The following ACER2 variants were observed in gnomAD, a reference collection of about 807,000 sequenced individuals.
ACER2 encodes the protein alkCDase 2.
In ACER2, 26 loss-of-function variants were observed where a neutral mutation model predicts 34.7. That is an observed-to-expected ratio of 0.75 (90% CI 0.55 to 1.04). The LOEUF is 1.04. ACER2 is among the 50% of genes least tolerant of loss of function. The pLI, the probability that ACER2 is intolerant of heterozygous loss-of-function variation, is 0.00. For missense variants in ACER2, 352 were observed against 340.8 expected (o/e 1.03, Z -0.26); for synonymous variants, 138 against 132.1 (o/e 1.04, Z -0.31).
chr9:19,423,783 C>G (rs1467935120), intron 1 of ACER2, 79 bp from the exon 2 acceptor site: 1 of 1,023,950 alleles, frequency 9.8e-7, no homozygotes, highest in African/African-American at 1.6e-5. Context: ...TTTGCAAGGA[C>G]ATACTTGGAA....
intron 3 of ACER2, among the ~76,000 whole-genome samples, chr9:19,427,714 T>C (rs960393717): frequency 3.4e-5 from 5 of 147,508 alleles, no homozygotes; most frequent in Non-Finnish European, 7.4e-5. Flanking sequence ...TTGCCCAGGC[T>C]GGAGTGCTGT....
At chr9:19,435,887 A>C (rs1326776939) in intron 4 of ACER2, among the ~76,000 whole-genome samples, 2 of 150,184 alleles carry the variant, frequency 1.3e-5, no homozygotes, top group African/African-American at 2.5e-5. Flanking sequence ...GTCTCTACTA[A>C]AAATACAAAA....
At chr9:19,449,425 GC>G (rs981868508) in intron 5 of ACER2, among the ~76,000 whole-genome samples, 2 of 152,044 alleles carry the variant, frequency 1.3e-5, no homozygotes, top group East Asian at 3.9e-4. Context: ...AATATTCCCT[GC>G]CCCCCTGCAG....
chr9:19,417,010 A>G (rs760932016), intron 1 of ACER2, among the ~76,000 whole-genome samples: 46 of 152,204 alleles, frequency 3.0e-4, no homozygotes, highest in Non-Finnish European at 5.9e-4. Context: ...CCTTAAGCTG[A>G]TAAGCATCTC....
At chr9:19,442,114 G>A (rs1392093969) in intron 4 of ACER2, among the ~76,000 whole-genome samples, 2 of 152,096 alleles carry the variant, frequency 1.3e-5, no homozygotes, top group Non-Finnish European at 2.9e-5. Context: ...CTGATTTTGG[G>A]TCATGACCTG....
intron 1 of ACER2, chr9:19,409,995 T>C: frequency 3.2e-6 from 3 of 939,102 alleles, no homozygotes; most frequent in Non-Finnish European, 2.5e-6. Flanking sequence ...AGGAAATGCC[T>C]CTTATTTTGT....
In ACER2 at chr9:19,425,261, T is replaced by G. The variant is rs989946398; in HGVS notation, c.365+420T>G. ...AGACTGATGAACTGGTTCTTGGAGC[T>G]ACAGATACTGTAGTTTTCAAGTTGC... is the stretch of plus-strand genomic sequence containing the variant. On this transcript the variant is annotated intron_variant, in intron 3 of 5. Transcript: ENST00000340967. Among the ~76,000 whole-genome samples, 35 of 152,246 alleles carry G rather than the reference T, an allele frequency of 2.3e-4. 1 individual carries two copies. The highest frequency in any genetic ancestry group is 5.9e-5 in the Non-Finnish European group (4 of 68,034).
At chr9:19,422,731 C>T (rs1160283785) in intron 1 of ACER2, among the ~76,000 whole-genome samples, 4 of 150,350 alleles carry the variant, frequency 2.7e-5, no homozygotes, top group Non-Finnish European at 5.9e-5. Flanking sequence ...CAGACCTTAT[C>T]TTTAAAAACA....
chr9:19,432,734 CATAT>C (rs1485769374), intron 3 of ACER2, among the ~76,000 whole-genome samples: 1 of 147,410 alleles, frequency 6.8e-6, no homozygotes, highest in Non-Finnish European at 1.5e-5. Context: ...ATTCTTTACA[CATAT>C]ATATAAATAT....
chr9:19,438,538 T>C (rs940998815), intron 4 of ACER2, among the ~76,000 whole-genome samples: 1 of 152,234 alleles, frequency 6.6e-6, no homozygotes, highest in Non-Finnish European at 1.5e-5. Flanking sequence ...TGTTAACACA[T>C]CTTAAAGCTC....
At chr9:19,421,885 C>T (rs987666098) in intron 1 of ACER2, among the ~76,000 whole-genome samples, 2 of 152,046 alleles carry the variant, frequency 1.3e-5, no homozygotes, top group Non-Finnish European at 2.9e-5. Flanking sequence ...AGTCACTGGC[C>T]ACATTTAGTT....
Position 19,435,009 on chromosome 9 carries a change from A to G in ACER2, c.428A>G (p.Lys143Arg). Reference sequence around the variant, plus strand: ...GTTACGACGTGCCTGGCATTTGTCAAGCCTGCCATCAACAACATCTCTCTG... The same window carrying G: ...GTTACGACGTGCCTGGCATTTGTCAGGCCTGCCATCAACAACATCTCTCTG... ...SAVTTCLAFV[K>R]PAINNISLMT... The change falls in exon 4 of 6, where the codon AAG (lysine) becomes AGG (arginine). Residue 143 changes from lysine (K) to arginine (R), a missense_variant. Lys to Arg is a conservative substitution (Grantham distance 26). Transcript: ENST00000340967. The G allele has an allele frequency of 6.2e-7, 1 of 1,614,184 alleles. No homozygotes were observed.
intron 1 of ACER2, among the ~76,000 whole-genome samples, chr9:19,413,003 A>G (rs1413610722): frequency 6.6e-6 from 1 of 152,186 alleles, no homozygotes; most frequent in Non-Finnish European, 1.5e-5. Context: ...CTAATCTTAG[A>G]TGGGGATTGC....
chr9:19,436,725 A>G (rs1210764082), intron 4 of ACER2, among the ~76,000 whole-genome samples: 1 of 152,194 alleles, frequency 6.6e-6, no homozygotes, highest in East Asian at 1.9e-4. Flanking sequence ...AATTTATTTT[A>G]ATTAGTCAAC....
chr9:19,433,802 T>A (rs1162365570), intron 3 of ACER2, among the ~76,000 whole-genome samples: 2 of 141,642 alleles, frequency 1.4e-5, no homozygotes, highest in African/African-American at 5.4e-5. Flanking sequence ...CCCACCTCCT[T>A]CCCGGACGGG....
intron 3 of ACER2, among the ~76,000 whole-genome samples, chr9:19,434,556 C>G (rs923259730): frequency 6.6e-6 from 1 of 152,334 alleles, no homozygotes; most frequent in South Asian, 2.1e-4. Context: ...GGATCACTCG[C>G]GGTTAGGAGC....
intron 3 of ACER2, among the ~76,000 whole-genome samples, chr9:19,433,149 C>CA (rs1830812378): frequency 1.6e-5 from 1 of 61,308 alleles, no homozygotes; most frequent in African/African-American, 6.0e-5. Flanking sequence ...GTGTGAGTGG[C>CA]TTTTTTTTTT....
chr9:19,435,815 C>T (rs549622767), intron 4 of ACER2, among the ~76,000 whole-genome samples: 15 of 151,406 alleles, frequency 9.9e-5, no homozygotes, highest in South Asian at 4.2e-4. Flanking sequence ...TTTGGGAGGC[C>T]GAGGAGGGCG....
intron 1 of ACER2, among the ~76,000 whole-genome samples, chr9:19,413,019 C>T (rs1449695372): frequency 3.9e-5 from 6 of 152,134 alleles, no homozygotes; most frequent in Admixed American, 3.9e-4. Flanking sequence ...ATTGCTGTGT[C>T]AAGGAGGATA....
Sources: gnomAD v4.1 joint callset for allele counts (sites outside exome capture counted in the v4.1 genomes callset) on GRCh38, gnomAD v4.1.1 for gene constraint, MANE v1.5 for transcripts, NCBI Gene and HGNC (gene_info 2026-07-23, HGNC 2026-07-21) for gene names.